MPPED1: variants seen among roughly 807,000 people sequenced by gnomAD.
MPPED1 encodes metallophosphoesterase domain-containing protein 1.
Under a neutral mutation model 36.2 loss-of-function variants are expected in MPPED1, and 16 were observed. The ratio of observed to expected loss-of-function variants is 0.44; its 90% CI spans 0.30 to 0.67. The LOEUF (loss-of-function observed/expected upper bound fraction) is 0.67, where lower values mean the gene tolerates loss of function less well. MPPED1 is among the 30% of genes least tolerant of loss of function. MPPED1 has a pLI of 0.10. For missense variants in MPPED1, 307 were observed against 453.4 expected, an observed-to-expected ratio of 0.68 and a Z score of 2.93; for synonymous variants, 199 against 191.3, an observed-to-expected ratio of 1.04 and a Z score of -0.33.
At position 43,507,791 on chromosome 22, in the gene MPPED1, ATTTTTTT is replaced by A. The variant is rs59503737; in HGVS notation, c.*2186_*2192del. The A allele has an allele frequency of 1.5e-5, 2 of 135,004 alleles. No individual in the cohort carries two copies. Among genetic ancestry groups the A allele is most frequent in the Admixed American group, 7.4e-5 (1 of 13,538 alleles). 8.4% of individuals were successfully genotyped at this position (135,004 alleles called of 1,614,324 possible). Reference sequence around the variant, plus strand: ...TTGGCATAACTTGATTGTGGCTGTAATTTTTTTTTTTTTTTTTGTCAAGCATGTCAGA... The same window carrying A: ...TTGGCATAACTTGATTGTGGCTGTAATTTTTTTTTTGTCAAGCATGTCAGA... On this transcript the variant is annotated 3_prime_UTR_variant, in exon 7 of 7. Coordinates refer to ENST00000443721, the MANE Select transcript of MPPED1 (RefSeq NM_001044370.2).
chr22:43,477,322 C>A (rs747739470), intron 4 of MPPED1, among the ~76,000 whole-genome samples: 2 of 152,232 alleles, frequency 1.3e-5, no homozygotes, highest in Non-Finnish European at 2.9e-5. Context: ...CTCTCAGGCC[C>A]TGTCTGGGGC....
At chr22:43,483,668 C>T (rs192954217) in intron 4 of MPPED1, among the ~76,000 whole-genome samples, 27 of 152,342 alleles carry the variant, frequency 1.8e-4, no homozygotes, top group African/African-American at 6.0e-4. Flanking sequence ...GGGGTGTTGT[C>T]ATTTTAGATG....
At chr22:43,501,141 C>G (rs996265980) in intron 5 of MPPED1, among the ~76,000 whole-genome samples, 1 of 152,190 alleles carries the variant, frequency 6.6e-6, no homozygotes, top group East Asian at 1.9e-4. Context: ...GGCCTGGGCC[C>G]TGGTGTGATT....
intron 4 of MPPED1, among the ~76,000 whole-genome samples, chr22:43,481,532 T>C (rs1047086738): frequency 4.6e-5 from 7 of 152,162 alleles, no homozygotes; most frequent in Admixed American, 4.6e-4. Context: ...GTTGGATGAA[T>C]GAATGAGTGG....
chr22:43,479,420 C>T (rs2146891168), intron 4 of MPPED1, among the ~76,000 whole-genome samples: 1 of 152,338 alleles, frequency 6.6e-6, no homozygotes, highest in South Asian at 2.1e-4. Context: ...CAGACGTGTT[C>T]ACCATGTGGC....
intron 1 of MPPED1, among the ~76,000 whole-genome samples, chr22:43,422,024 G>A (rs537530902): frequency 2.0e-5 from 3 of 152,308 alleles, no homozygotes; most frequent in Admixed American, 1.3e-4. Context: ...GACACATGGG[G>A]TGCACAAGGG....
At chr22:43,423,200 C>T (rs578000934) in intron 1 of MPPED1, among the ~76,000 whole-genome samples, 2 of 152,210 alleles carry the variant, frequency 1.3e-5, no homozygotes, top group Non-Finnish European at 2.9e-5. Flanking sequence ...GGCTTAAGGT[C>T]ACACAGCAAG....
At chr22:43,487,248 G>A (rs1931941539) in intron 4 of MPPED1, among the ~76,000 whole-genome samples, 1 of 152,154 alleles carries the variant, frequency 6.6e-6, no homozygotes, top group African/African-American at 2.4e-5. Flanking sequence ...CTTTGAGCCG[G>A]TCCTTAATAA....
rs532250705 is a variant in MPPED1, at chr22:43,481,547, G to A, written c.632+6586G>A. 9.9e-5 allele frequency among the ~76,000 whole-genome samples: 15 copies of A among 152,284 alleles called. No individual in the cohort carries two copies. The South Asian group carries it at 2.7e-3, about 27-fold the overall frequency. ...GTTGGATGAATGAATGAGTGGATGA[G>A]TGACCAAATGGATGGATGGCAAGCT... On this transcript the variant is annotated intron_variant, in intron 4 of 6. Coordinates refer to ENST00000443721, the MANE Select transcript of MPPED1 (RefSeq NM_001044370.2).
chr22:43,420,173 AC>A (rs1406463559), intron 1 of MPPED1, among the ~76,000 whole-genome samples: 7 of 152,220 alleles, frequency 4.6e-5, no homozygotes, highest in African/African-American at 1.7e-4. Flanking sequence ...CCAGTGTCCT[AC>A]CGCTCAGCAG....
At chr22:43,434,992 G>A (rs1601956055) in intron 2 of MPPED1, 42 bp from the exon 3 acceptor site, 1 of 1,598,172 alleles carries the variant, frequency 6.3e-7, no homozygotes, top group African/African-American at 1.3e-5. Context: ...CAGGCTCGCG[G>A]CTCCATGGCC....
intron 4 of MPPED1, among the ~76,000 whole-genome samples, chr22:43,475,833 A>G (rs373132590): frequency 7.0e-6 from 1 of 143,856 alleles, no homozygotes; most frequent in Admixed American, 6.9e-5. Flanking sequence ...TATTGAGGGT[A>G]GTGATGGTGA....
chr22:43,443,699 A>T (rs1930231761), intron 3 of MPPED1, among the ~76,000 whole-genome samples: 1 of 151,568 alleles, frequency 6.6e-6, no homozygotes, highest in African/African-American at 2.4e-5. Flanking sequence ...TTTTTTTTTT[A>T]AAGAGCTAAC....
At position 43,505,632 on chromosome 22, in the gene MPPED1, C is replaced by T; in HGVS notation, c.*16C>T. ...GAACTCCTGACTGCTCCCCACTGCCCCTGCCCTGCCCGCCCGTGTCAGCTC... is the reference window on the plus strand; with the variant it reads ...GAACTCCTGACTGCTCCCCACTGCCTCTGCCCTGCCCGCCCGTGTCAGCTC... On this transcript the variant is annotated 3_prime_UTR_variant, in exon 7 of 7. Coordinates refer to ENST00000443721, the MANE Select transcript of MPPED1 (RefSeq NM_001044370.2). 1 of 1,587,728 alleles carries T rather than the reference C, an allele frequency of 6.3e-7. No homozygotes were observed. Among genetic ancestry groups the T allele is most frequent in the Non-Finnish European group, 8.6e-7 (1 of 1,165,256 alleles).
chr22:43,422,001 G>A (rs1039227909), intron 1 of MPPED1, among the ~76,000 whole-genome samples: 3 of 152,216 alleles, frequency 2.0e-5, no homozygotes, highest in Non-Finnish European at 4.4e-5. Flanking sequence ...CAGAGCTGCT[G>A]GGGGCCGGAG....
Position 43,458,358 on chromosome 22 carries a change from T to G in MPPED1, c.407-16378T>G, listed in dbSNP as rs147572156. On this transcript the variant is annotated intron_variant, in intron 3 of 6. Coordinates refer to ENST00000443721, the MANE Select transcript of MPPED1 (RefSeq NM_001044370.2). Reference sequence around the variant, plus strand: ...TGGAGTGCAGTGTTGTGATCTCGGCTCACTGCAACCTCTGACCCCCTGGTT... The same window carrying G: ...TGGAGTGCAGTGTTGTGATCTCGGCGCACTGCAACCTCTGACCCCCTGGTT... Among the ~76,000 whole-genome samples, 737 of 152,062 alleles carry G rather than the reference T, an allele frequency of 4.8e-3. 9 individuals carry two copies. Among genetic ancestry groups the G allele is most frequent in the African/African-American group, 0.017 (705 of 41,450 alleles).
chr22:43,483,515 GTC>G (rs1456155578), intron 4 of MPPED1, among the ~76,000 whole-genome samples: 1 of 152,288 alleles, frequency 6.6e-6, no homozygotes, highest in African/African-American at 2.4e-5. Context: ...GCCTCCTCCT[GTC>G]TCTGCGTGAG....
intron 3 of MPPED1, among the ~76,000 whole-genome samples, chr22:43,444,364 CTTT>C (rs11307353): frequency 1.0e-3 from 91 of 89,350 alleles, no homozygotes; most frequent in African/African-American, 3.7e-3. Context: ...TTCTATCTAT[CTTT>C]TTTTTTTTTT....
At chr22:43,467,759 G>C (rs1931223343) in intron 3 of MPPED1, among the ~76,000 whole-genome samples, 2 of 152,120 alleles carry the variant, frequency 1.3e-5, no homozygotes, top group South Asian at 2.1e-4. Context: ...GGCGGAAGAA[G>C]CCATAAGTGG....
Sources: gnomAD v4.1 joint callset for allele counts (sites outside exome capture counted in the v4.1 genomes callset) on GRCh38, gnomAD v4.1.1 for gene constraint, MANE v1.5 for transcripts, NCBI Gene and HGNC (gene_info 2026-07-23, HGNC 2026-07-21) for gene names.